Variants in BCAS3 observed in about 807,000 individuals in gnomAD.
BCAS3 encodes BCAS4/BCAS3 fusion.
A neutral mutation model predicts 116.1 loss-of-function variants in BCAS3; 53 were observed. The ratio of observed to expected loss-of-function variants is 0.46; its 90% CI spans 0.37 to 0.57. The LOEUF (loss-of-function observed/expected upper bound fraction) is 0.57. Among genes scored for constraint, BCAS3 ranks in the 20% least tolerant of loss-of-function variants. The pLI is 0.00. For synonymous variants in BCAS3, 391 were observed against 408.2 expected, an observed-to-expected ratio of 0.96 and a Z score of 0.51; for missense variants, 917 against 1,165.4, an observed-to-expected ratio of 0.79 and a Z score of 3.10.
intron 22 of BCAS3, among the ~76,000 whole-genome samples, chr17:61,272,388 T>C (rs1221295296): frequency 6.6e-6 from 1 of 152,010 alleles, no homozygotes; most frequent in Non-Finnish European, 1.5e-5. Flanking sequence ...ATCCCAGCAC[T>C]TTGGGAGGCT....
At chr17:60,795,733 A>T (rs2047158009) in intron 6 of BCAS3, among the ~76,000 whole-genome samples, 1 of 152,182 alleles carries the variant, frequency 6.6e-6, no homozygotes, top group South Asian at 2.1e-4. Flanking sequence ...TGTGTTGCCC[A>T]GGCTGGAGTG....
At chr17:61,154,895 C>G (rs1294542193) in intron 22 of BCAS3, among the ~76,000 whole-genome samples, 5 of 150,832 alleles carry the variant, frequency 3.3e-5, no homozygotes, top group Admixed American at 6.6e-5. Context: ...GTTGAAGTAT[C>G]CTTTTGATCA....
In BCAS3 at chr17:61,380,292, G is replaced by A. The variant is rs879904211; in HGVS notation, c.2594-11685G>A. The A allele has an allele frequency of 1.6e-5, 9 of 580,452 alleles. No homozygotes were observed. The highest frequency in any genetic ancestry group is 2.8e-5 in the Non-Finnish European group (9 of 323,476). The allele number at this position is 580,452 out of a possible 1,614,324, so 36.0% of individuals were successfully genotyped here. A position where few individuals can be genotyped will look rare whatever the true frequency, so the allele number is the denominator to read the frequency against. On this transcript the variant is annotated intron_variant, in intron 23 of 23. Transcript: ENST00000407086. This position sits in a 1 kb window ranked among gnomAD's most constrained non-coding sequence, Gnocchi z 4.2. The stretch of plus-strand genomic sequence containing the variant: ...ACTCAGGCAGCTGGACTGGGGAGGA[G>A]GGAGAGAGGGAAGGATGATACCAGT...
chr17:60,760,477 C>A (rs2043415760), intron 6 of BCAS3, among the ~76,000 whole-genome samples: 1 of 146,130 alleles, frequency 6.8e-6, no homozygotes, highest in Non-Finnish European at 1.5e-5. Flanking sequence ...ATATAGTATC[C>A]TTGGGTGACA....
chr17:61,308,320 G>A (rs1300966375), intron 22 of BCAS3, among the ~76,000 whole-genome samples: 1 of 152,062 alleles, frequency 6.6e-6, no homozygotes, highest in Non-Finnish European at 1.5e-5. Flanking sequence ...GTTGGAAGAT[G>A]AATGTGACCC....
chr17:60,782,915 T>C (rs1407056731), intron 6 of BCAS3, among the ~76,000 whole-genome samples: 3 of 152,026 alleles, frequency 2.0e-5, no homozygotes, highest in Non-Finnish European at 2.9e-5. Flanking sequence ...AATTAAGGCT[T>C]ACTCTGTCAT....
chr17:61,158,056 T>C (rs900498525), intron 22 of BCAS3, among the ~76,000 whole-genome samples: 1 of 152,194 alleles, frequency 6.6e-6, no homozygotes, highest in Non-Finnish European at 1.5e-5. Context: ...CTCTTTTTTT[T>C]ATGAGACCTG....
chr17:60,824,693 T>C (rs542648683), intron 7 of BCAS3, among the ~76,000 whole-genome samples: 1 of 152,334 alleles, frequency 6.6e-6, no homozygotes, highest in South Asian at 2.1e-4. Context: ...TGGCCAATTT[T>C]GAATATTTAT....
In BCAS3 at chr17:61,251,166, T is replaced by G. The variant is rs2048341325; in HGVS notation, c.2426-117161T>G. On this transcript the variant is annotated intron_variant, in intron 22 of 23. Transcript: ENST00000407086. This position sits in a 1 kb window ranked among gnomAD's most constrained non-coding sequence, Gnocchi z 4.7. ...GCTTGCCCAGCTGGAAGGTGAGACA[T>G]TGGAGGCCTCAGCCTGGTGTCCCAG... 1.3e-5 allele frequency among the ~76,000 whole-genome samples: 2 copies of G among 152,226 alleles called. No individual in the cohort carries two copies. The highest frequency in any genetic ancestry group is 4.1e-4 in the South Asian group (2 of 4,830).
In BCAS3 at chr17:60,990,053, A is replaced by C. The variant is rs2063426068; in HGVS notation, c.1304A>C (p.Asn435Thr). Residue 435 changes from asparagine to threonine, a missense_variant, in exon 15 of 24, where the codon AAC becomes ACC. By Grantham distance (65) the Asn-to-Thr change is moderately conservative. Around this residue, in one of 3 missense-constraint regions of BCAS3, gnomAD observed 807 missense variants for 1,026.0 expected, o/e 0.79. Transcript: ENST00000407086. This position sits in a 1 kb window ranked among gnomAD's most constrained non-coding sequence, Gnocchi z 5.1. ...LRGTSHVFPI[N>T]PYGGQPCVRT... ...GGTACTTCCCACGTTTTCCCCATCAACCCTTATGGTGGCCAGCCTTGTGTT... is the reference window on the plus strand; with the variant it reads ...GGTACTTCCCACGTTTTCCCCATCACCCCTTATGGTGGCCAGCCTTGTGTT... The C allele has an allele frequency of 6.2e-7, 1 of 1,614,090 alleles. No individual in the cohort carries two copies. The highest frequency in any genetic ancestry group is 8.5e-7 in the Non-Finnish European group (1 of 1,180,022).
chr17:61,038,154 AATC>A (rs1417794056), intron 18 of BCAS3, 100 bp downstream of exon 18: 1 of 1,016,322 alleles, frequency 9.8e-7, no homozygotes, highest in East Asian at 2.6e-5. Context: ...ACAGCTACGA[AATC>A]ATCACCACAA....
At chr17:61,005,325 A>G (rs1429910499) in intron 15 of BCAS3, among the ~76,000 whole-genome samples, 2 of 151,898 alleles carry the variant, frequency 1.3e-5, no homozygotes, top group Non-Finnish European at 2.9e-5. Flanking sequence ...CAAATTGTTG[A>G]TAATTTAGGC....
intron 5 of BCAS3, among the ~76,000 whole-genome samples, chr17:60,731,387 A>G (rs981248578): frequency 6.6e-6 from 1 of 151,996 alleles, no homozygotes; most frequent in South Asian, 2.1e-4. Context: ...TAATTTTTGT[A>G]TTTTTAGTAG....
chr17:61,120,486 T>C (rs2075728964), intron 22 of BCAS3, among the ~76,000 whole-genome samples: 1 of 152,136 alleles, frequency 6.6e-6, no homozygotes, highest in Admixed American at 6.5e-5. Context: ...TACACATTCA[T>C]GCTCGCTTTT....
chr17:60,693,228 C>T (rs1323393376), intron 4 of BCAS3, among the ~76,000 whole-genome samples: 1 of 151,816 alleles, frequency 6.6e-6, no homozygotes, highest in Non-Finnish European at 1.5e-5. Context: ...TATAAGTAGC[C>T]AAAGCAGTTT....
chr17:60,982,104 A>G (rs1401657966), intron 14 of BCAS3, among the ~76,000 whole-genome samples: 36 of 152,168 alleles, frequency 2.4e-4, no homozygotes, highest in Non-Finnish European at 1.5e-5. Flanking sequence ...TGAAAGAAGG[A>G]TGTGTTCCAA....
At chr17:61,240,669 G>A (rs2144499516) in intron 22 of BCAS3, among the ~76,000 whole-genome samples, 1 of 152,098 alleles carries the variant, frequency 6.6e-6, no homozygotes, top group Non-Finnish European at 1.5e-5. Flanking sequence ...ATAATAAAAA[G>A]GAACAAGTGT....
At chr17:60,767,857 G>T (rs1008452751) in intron 6 of BCAS3, among the ~76,000 whole-genome samples, 1 of 152,108 alleles carries the variant, frequency 6.6e-6, no homozygotes, top group African/African-American at 2.4e-5. Flanking sequence ...CTGGAGTTCA[G>T]TGGCGTGATC....
chr17:60,791,927 A>T (rs1435305994), intron 6 of BCAS3, among the ~76,000 whole-genome samples: 1 of 152,086 alleles, frequency 6.6e-6, no homozygotes, highest in Non-Finnish European at 1.5e-5. Context: ...GTTCAAGACC[A>T]GCCTGGCCAA....
Sources: allele counts gnomAD v4.1 joint callset (sites outside exome capture counted in the v4.1 genomes callset), GRCh38; gene constraint gnomAD v4.1.1; regional missense constraint gnomAD v4.1.1; non-coding constraint Gnocchi (gnomAD v3.1); transcripts MANE v1.5; gene names NCBI Gene and HGNC (gene_info 2026-07-23, HGNC 2026-07-21).